Variants in WDFY3 observed in about 807,000 individuals in gnomAD.
The protein encoded by WDFY3 is WD repeat and FYVE domain containing 3.
WDFY3 carries 66 observed loss-of-function variants against 409.6 expected under a neutral mutation model. The observed-to-expected ratio is 0.16, with a 90% confidence interval of 0.13 to 0.20. The LOEUF (loss-of-function observed/expected upper bound fraction) is 0.20. WDFY3 is among the 10% of genes least tolerant of loss of function. WDFY3 has a pLI of 1.00. For missense variants in WDFY3, 3,031 were observed against 4,298.1 expected (o/e 0.71, Z 8.24); for synonymous variants, 1,521 against 1,537.1 (o/e 0.99, Z 0.25).
At chr4:84,749,896 CAT>C (rs1020756417) in intron 36 of WDFY3, among the ~76,000 whole-genome samples, 1 of 152,036 alleles carries the variant, frequency 6.6e-6, no homozygotes, top group Non-Finnish European at 1.5e-5. Flanking sequence ...AAGGTTAATA[CAT>C]GTTATTATAT....
Position 84,850,887 on chromosome 4 carries a change from G to A in WDFY3, c.181-862C>T, listed in dbSNP as rs570662327. Among the ~76,000 whole-genome samples, 4 of 136,162 alleles carry A rather than the reference G, an allele frequency of 2.9e-5. No individual in the cohort carries two copies. In the South Asian group the frequency reaches 1.0e-3, roughly 34 times the overall value. 89.3% of individuals were successfully genotyped at this position (136,162 alleles called of 152,430 possible). ...TTTACACAAATTTTAAAATAAATGA[G>A]CTTTAGAATAAATAATTCTTATTTT... On this transcript the variant is annotated intron_variant, in intron 4 of 67. Coordinates refer to ENST00000295888, the MANE Select transcript of WDFY3 (RefSeq NM_014991.6).
intron 34 of WDFY3, 85 bp downstream of exon 34, chr4:84,755,181 T>C (rs1741224986): frequency 7.0e-6 from 11 of 1,561,834 alleles, no homozygotes; most frequent in Non-Finnish European, 9.5e-6. Flanking sequence ...AAAGTAGTTA[T>C]GTTACCAAAA....
Position 84,801,743 on chromosome 4 carries a change from G to C in WDFY3, c.2729C>G (p.Ala910Gly), listed in dbSNP as rs1393426800. The change falls in exon 17 of 68, where the codon GCT (alanine) becomes GGT (glycine). Residue 910 changes from alanine (A) to glycine (G), a missense_variant. Ala to Gly is a moderately conservative substitution (Grantham distance 60). Coordinates refer to ENST00000295888, the MANE Select transcript of WDFY3 (RefSeq NM_014991.6). ...LHARLLQRCSAALADEDHSLH... is the reference protein window; with the variant it reads ...LHARLLQRCSGALADEDHSLH... ...TGAGTGGTCCTCATCAGCCAATGCA[G>C]CACTGCACCTCTGCAGCAGTCGTGC... 1.2e-6 allele frequency: 2 copies of C among 1,613,728 alleles called. No individual in the cohort carries two copies. The highest frequency in any genetic ancestry group is 1.7e-6 in the Non-Finnish European group (2 of 1,179,988).
chr4:84,748,614 C>A (rs920137280), intron 36 of WDFY3, among the ~76,000 whole-genome samples: 3 of 152,144 alleles, frequency 2.0e-5, no homozygotes, highest in Admixed American at 6.5e-5. Context: ...TTCTGCCACA[C>A]CACACTACTT....
At chr4:84,782,689 C>T (rs1236849064) in intron 25 of WDFY3, among the ~76,000 whole-genome samples, 1 of 152,214 alleles carries the variant, frequency 6.6e-6, no homozygotes. Flanking sequence ...CTAGCTTCAT[C>T]TATGTCCCTG....
chr4:84,904,787 T>C (rs1379060705), intron 2 of WDFY3, among the ~76,000 whole-genome samples: 2 of 152,202 alleles, frequency 1.3e-5, no homozygotes, highest in African/African-American at 4.8e-5. Context: ...CTCTCTGAGC[T>C]TCAAGATTGT....
intron 59 of WDFY3, 151 bp downstream of exon 59, chr4:84,692,734 A>G (rs1729464098): frequency 4.4e-6 from 3 of 674,466 alleles, no homozygotes; most frequent in Non-Finnish European, 6.9e-6. Flanking sequence ...AAATATAAAT[A>G]CTAGTAGGTA....
chr4:84,796,970 G>C (rs957587761), intron 18 of WDFY3, among the ~76,000 whole-genome samples: 1 of 151,956 alleles, frequency 6.6e-6, no homozygotes, highest in African/African-American at 2.4e-5. Context: ...AGAAATGTTG[G>C]AAACTAGAGT....
At chr4:84,801,940 T>C (rs1057032039) in intron 16 of WDFY3, 76 bp from the exon 17 acceptor site, 134 of 1,432,816 alleles carry the variant, frequency 9.4e-5, no homozygotes, top group Non-Finnish European at 1.1e-4. Flanking sequence ...ACATGAAGCA[T>C]ACCTTTTTAA....
intron 3 of WDFY3, among the ~76,000 whole-genome samples, chr4:84,880,806 C>CTCCTGGGT: frequency 6.8e-6 from 1 of 146,242 alleles, no homozygotes; most frequent in African/African-American, 2.5e-5. Flanking sequence ...CAACCTCTGC[C>CTCCTGGGT]TCCTGGGTTC....
chr4:84,847,371 A>G (rs754247390), intron 5 of WDFY3, among the ~76,000 whole-genome samples: 2 of 152,150 alleles, frequency 1.3e-5, no homozygotes, highest in Non-Finnish European at 2.9e-5. Flanking sequence ...ATGTATGGAC[A>G]TTCTCTAACA....
At chr4:84,728,438 G>A (rs1178932029) in intron 44 of WDFY3, among the ~76,000 whole-genome samples, 1 of 152,036 alleles carries the variant, frequency 6.6e-6, no homozygotes, top group Non-Finnish European at 1.5e-5. Context: ...GCTGAAGCGA[G>A]AGGATTACTT....
intron 59 of WDFY3, among the ~76,000 whole-genome samples, chr4:84,692,174 C>T (rs1729373098): frequency 6.6e-6 from 1 of 152,154 alleles, no homozygotes; most frequent in South Asian, 2.1e-4. Context: ...TAGACTTCCT[C>T]AAGGAAGGTC....
intron 26 of WDFY3, among the ~76,000 whole-genome samples, chr4:84,779,009 C>T (rs1319163404): frequency 6.6e-6 from 1 of 151,798 alleles, no homozygotes; most frequent in Non-Finnish European, 1.5e-5. Flanking sequence ...AAATTGTATG[C>T]ACATGATGGT....
Position 84,670,179 on chromosome 4 carries a change from A to G in WDFY3, c.*2689T>C, listed in dbSNP as rs1450723586. On this transcript the variant is annotated 3_prime_UTR_variant, in exon 68 of 68. Transcript: ENST00000295888. ...GCATGACATTAGAGTTGCACACTAC[A>G]TAGAAATGTTAGAATACATGGATGA... 1 of 152,786 alleles carries G rather than the reference A, an allele frequency of 6.5e-6. No homozygotes were observed. The highest frequency in any genetic ancestry group is 2.1e-4 in the South Asian group (1 of 4,832). The allele number at this position is 152,786 out of a possible 1,614,324, so 9.5% of individuals were successfully genotyped here. A position where few individuals can be genotyped will look rare whatever the true frequency, so the allele number is the denominator to read the frequency against.
chr4:84,809,544 A>G, intron 14 of WDFY3: 1 of 186,452 alleles, frequency 5.4e-6, no homozygotes, highest in Non-Finnish European at 1.1e-5. Flanking sequence ...TTCTATTGAT[A>G]ACACATATCA....
chr4:84,730,780 G>GT (rs1292479966), intron 44 of WDFY3, among the ~76,000 whole-genome samples: 1 of 150,622 alleles, frequency 6.6e-6, no homozygotes, highest in Admixed American at 6.6e-5. Context: ...TAGCTGATGA[G>GT]TTTAAAAAAA....
intron 27 of WDFY3, among the ~76,000 whole-genome samples, chr4:84,778,068 G>A (rs1004377032): frequency 1.3e-5 from 2 of 152,106 alleles, no homozygotes; most frequent in Non-Finnish European, 2.9e-5. Context: ...GGATTGATTA[G>A]GGCTTGAATT....
chr4:84,920,785 T>C (rs938558840), intron 2 of WDFY3, among the ~76,000 whole-genome samples: 1 of 152,216 alleles, frequency 6.6e-6, no homozygotes, highest in Non-Finnish European at 1.5e-5. Flanking sequence ...TCCGGTTCTA[T>C]AACTCCCACA....
Sources: allele counts gnomAD v4.1 joint callset (sites outside exome capture counted in the v4.1 genomes callset), GRCh38; gene constraint gnomAD v4.1.1; transcripts MANE v1.5; gene names NCBI Gene and HGNC (gene_info 2026-07-23, HGNC 2026-07-21).